Variants in DAB1 observed in about 807,000 individuals in gnomAD.
The protein encoded by DAB1 is disabled homolog 1.
Under a neutral mutation model 64.6 loss-of-function variants are expected in DAB1, and 15 were observed. That is an observed-to-expected ratio of 0.23 (90% CI 0.16 to 0.36). The LOEUF (loss-of-function observed/expected upper bound fraction) is 0.36. Ranked by LOEUF, DAB1 falls within the 10% of genes least tolerant of loss-of-function variation. The pLI, the probability that DAB1 is intolerant of heterozygous loss-of-function variation, is 1.00. For missense variants in DAB1, 596 were observed against 706.7 expected, an observed-to-expected ratio of 0.84 and a Z score of 1.78; for synonymous variants, 235 against 251.9, an observed-to-expected ratio of 0.93 and a Z score of 0.64.
At chr1:58,126,198 C>T (rs911464782) in intron 5 of DAB1, among the ~76,000 whole-genome samples, 1 of 152,158 alleles carries the variant, frequency 6.6e-6, no homozygotes. Context: ...GCATGGCTGC[C>T]CTGCTGTACC....
rs147759485 is a variant in DAB1, at chr1:57,926,169, T to C, written n.388-42007A>G. The stretch of plus-strand genomic sequence containing the variant: ...TGACCCTGGGCCAAATCACTTAATG[T>C]TCTTTCCTTCTCCACAGAATGGCGA... On this transcript the variant is annotated intron_variant and non_coding_transcript_variant, in intron 5 of 20. Coordinates refer to the DAB1 transcript ENST00000485760. Among the ~76,000 whole-genome samples the C allele has an allele frequency of 3.7e-3, 559 of 152,290 alleles. 1 individual carries two copies. Among genetic ancestry groups the C allele is most frequent in the Non-Finnish European group, 5.7e-3 (386 of 68,018 alleles).
rs1253340519 is a variant in DAB1 at position 58,325,327 on chromosome 1, T to C, written n.309+18025A>G. Among the ~76,000 whole-genome samples, 3 of 152,244 alleles carry C rather than the reference T, an allele frequency of 2.0e-5. No individual in the cohort carries two copies. In the East Asian group the frequency reaches 5.8e-4, roughly 29 times the overall value. ...CTAGTATTTCTTTGTAATTATTTTT[T>C]CTGTTCTGATTTTACCTTTCTCTTA... is the stretch of plus-strand genomic sequence containing the variant. On this transcript the variant is annotated intron_variant and non_coding_transcript_variant, in intron 4 of 20. Transcript: ENST00000485760.
intron 4 of DAB1, among the ~76,000 whole-genome samples, chr1:58,327,985 C>A (rs1662877295): frequency 1.3e-5 from 2 of 152,206 alleles, no homozygotes; most frequent in Admixed American, 6.5e-5. Flanking sequence ...TCACAGCATT[C>A]CATAGGCCTG....
chr1:57,191,808 C>G (rs1664145705), intron 2 of DAB1, among the ~76,000 whole-genome samples: 1 of 152,070 alleles, frequency 6.6e-6, no homozygotes, highest in African/African-American at 2.4e-5. Flanking sequence ...GGTAGTGACT[C>G]ACTCTTCCTG....
intron 7 of DAB1, among the ~76,000 whole-genome samples, chr1:57,589,123 G>T (rs977086830): frequency 6.6e-6 from 1 of 152,122 alleles, no homozygotes; most frequent in Non-Finnish European, 1.5e-5. Context: ...ATAGGCTAAG[G>T]CAGGAGAATT....
At chr1:57,118,949 T>C (rs754839705) in intron 4 of DAB1, among the ~76,000 whole-genome samples, 6 of 152,182 alleles carry the variant, frequency 3.9e-5, no homozygotes, top group Non-Finnish European at 7.4e-5. Context: ...GTAGCTGACA[T>C]ATAGTAGAAG....
chr1:57,762,072 C>T (rs1649113012), intron 6 of DAB1, among the ~76,000 whole-genome samples: 2 of 152,104 alleles, frequency 1.3e-5, no homozygotes, highest in African/African-American at 4.8e-5. Context: ...GCCTTGGTTC[C>T]CTGGACTTTC....
intron 7 of DAB1, among the ~76,000 whole-genome samples, chr1:57,465,882 A>G (rs983588940): frequency 1.3e-5 from 2 of 152,246 alleles, no homozygotes; most frequent in Non-Finnish European, 2.9e-5. Flanking sequence ...CATACTTTGT[A>G]TCTTCTACAG....
intron 1 of DAB1, among the ~76,000 whole-genome samples, chr1:57,349,046 C>T (rs755358024): frequency 6.6e-6 from 1 of 152,168 alleles, no homozygotes; most frequent in Non-Finnish European, 1.5e-5. Flanking sequence ...ACCTCTCATT[C>T]TAAAGCCCAC....
chr1:57,373,013 GA>G (rs11387419), intron 1 of DAB1, among the ~76,000 whole-genome samples: 35,406 of 146,820 alleles, frequency 0.24, 4,615 homozygotes, highest in Non-Finnish European at 0.31. Context: ...TACGTCTCTA[GA>G]AAAAAAAAAA....
chr1:57,222,007 ACTG>A (rs970887484), intron 2 of DAB1, among the ~76,000 whole-genome samples: 4 of 151,918 alleles, frequency 2.6e-5, no homozygotes, highest in African/African-American at 9.7e-5. Context: ...GCATTTATTT[ACTG>A]CTTTCCAAGG....
In DAB1 at chr1:58,523,557, T is replaced by G. The variant is rs549709543; in HGVS notation, n.107+3704A>C. Among the ~76,000 whole-genome samples the G allele has an allele frequency of 2.6e-4, 40 of 152,238 alleles. No homozygotes were observed. In the East Asian group the frequency reaches 6.4e-3, roughly 24 times the overall value. On this transcript the variant is annotated intron_variant and non_coding_transcript_variant, in intron 2 of 20. Transcript: ENST00000485760. ...TAGACCATTTGGACGCCTTCAGTGT[T>G]GAACTCATGGGGTTCCAGGTGACCA...
At chr1:58,101,345 A>C (rs538913769) in intron 5 of DAB1, among the ~76,000 whole-genome samples, 16 of 152,232 alleles carry the variant, frequency 1.1e-4, no homozygotes, top group African/African-American at 3.6e-4. Context: ...AAATAAAATA[A>C]AAATACAAAA....
intron 2 of DAB1, among the ~76,000 whole-genome samples, chr1:57,230,888 A>G (rs1209596324): frequency 6.6e-6 from 1 of 152,170 alleles, no homozygotes; most frequent in African/African-American, 2.4e-5. Context: ...AGTTTCCTAC[A>G]TTGTAAACTA....
At chr1:58,227,376 T>A (rs993370091) in intron 4 of DAB1, among the ~76,000 whole-genome samples, 2 of 152,142 alleles carry the variant, frequency 1.3e-5, no homozygotes, top group African/African-American at 4.8e-5. Context: ...GGAAATTTGG[T>A]TGAGCGAGGC....
chr1:58,334,487 T>C (rs1045347183), intron 4 of DAB1, among the ~76,000 whole-genome samples: 4 of 151,752 alleles, frequency 2.6e-5, no homozygotes, highest in African/African-American at 9.7e-5. Context: ...CATTTCTTAC[T>C]TAATCAACTG....
intron 2 of DAB1, among the ~76,000 whole-genome samples, chr1:57,160,794 C>T (rs1476264397): frequency 6.6e-6 from 1 of 152,162 alleles, no homozygotes; most frequent in Non-Finnish European, 1.5e-5. Flanking sequence ...ATAATGCTTA[C>T]CTTGCAGGAT....
At chr1:57,058,185 C>T (rs1007817684) in intron 9 of DAB1, among the ~76,000 whole-genome samples, 4 of 152,142 alleles carry the variant, frequency 2.6e-5, no homozygotes, top group Admixed American at 6.5e-5. Context: ...GCCACCTGTC[C>T]GCCTGGTGAT....
At chr1:58,274,566 T>C (rs1329287939) in intron 4 of DAB1, among the ~76,000 whole-genome samples, 6 of 144,288 alleles carry the variant, frequency 4.2e-5, no homozygotes, top group Non-Finnish European at 6.1e-5. Context: ...TTTGTTTACC[T>C]AAGCACGCCT....
Sources: gnomAD v4.1 joint callset for allele counts (sites outside exome capture counted in the v4.1 genomes callset) on GRCh38, gnomAD v4.1.1 for gene constraint, MANE v1.5 for transcripts, NCBI Gene and HGNC (gene_info 2026-07-23, HGNC 2026-07-21) for gene names.